Variants in MAN1A1 observed in about 807,000 individuals in gnomAD.
The protein encoded by MAN1A1 is mannosidase alpha class 1A member 1.
A neutral mutation model predicts 70.8 loss-of-function variants in MAN1A1; 29 were observed. That is an observed-to-expected ratio of 0.41 (90% confidence interval 0.31 to 0.56). The LOEUF is 0.56. MAN1A1 is among the 20% of genes least tolerant of loss of function. The pLI, the probability that MAN1A1 is intolerant of heterozygous loss-of-function variation, is 0.29. For synonymous variants in MAN1A1, 349 were observed against 330.1 expected (o/e 1.06, Z -0.62); for missense variants, 747 against 841.3 (o/e 0.89, Z 1.39).
Position 119,188,402 on chromosome 6 carries a change from C to T in MAN1A1, c.1719+3G>A. 2 of 1,587,650 alleles carry T rather than the reference C, an allele frequency of 1.3e-6. No individual in the cohort carries two copies. On this transcript the variant is annotated splice_donor_region_variant and intron_variant, in intron 11 of 12. Transcript: ENST00000368468. ...ATAAGAAACATGCAAATTAAAACATCACCTCTACGGCTTCCCAGGCCCATT... is the reference window on the plus strand; with the variant it reads ...ATAAGAAACATGCAAATTAAAACATTACCTCTACGGCTTCCCAGGCCCATT...
intron 8 of MAN1A1, among the ~76,000 whole-genome samples, chr6:119,194,374 A>T (rs1349510499): frequency 6.6e-6 from 1 of 152,202 alleles, no homozygotes; most frequent in Non-Finnish European, 1.5e-5. Context: ...CCCAGGCTGG[A>T]GTGCAGAGGC....
intron 11 of MAN1A1, among the ~76,000 whole-genome samples, chr6:119,181,428 T>C (rs1428098603): frequency 6.8e-6 from 1 of 148,066 alleles, no homozygotes; most frequent in East Asian, 2.0e-4. Context: ...GACATGTGGC[T>C]GGGATCTATT....
At chr6:119,251,264 G>T (rs1775310429) in intron 5 of MAN1A1, among the ~76,000 whole-genome samples, 1 of 151,966 alleles carries the variant, frequency 6.6e-6, no homozygotes, top group Non-Finnish European at 1.5e-5. Context: ...TTCCTGTGTT[G>T]TCTAACATCG....
At chr6:119,319,772 A>C (rs1291919147) in intron 2 of MAN1A1, among the ~76,000 whole-genome samples, 2 of 152,160 alleles carry the variant, frequency 1.3e-5, no homozygotes, top group Non-Finnish European at 2.9e-5. Context: ...GTAAAAGCCT[A>C]ATGTTCTTTC....
chr6:119,296,898 T>A (rs1216387097), intron 4 of MAN1A1, among the ~76,000 whole-genome samples: 1 of 152,174 alleles, frequency 6.6e-6, no homozygotes, highest in East Asian at 1.9e-4. Flanking sequence ...CCTCTCATAC[T>A]GAGATATCGC....
At chr6:119,330,177 G>C (rs1773271354) in intron 2 of MAN1A1, among the ~76,000 whole-genome samples, 1 of 148,570 alleles carries the variant, frequency 6.7e-6, no homozygotes, top group Non-Finnish European at 1.5e-5. Context: ...CTCAAGATTG[G>C]CATCTCTAGC....
intron 3 of MAN1A1, among the ~76,000 whole-genome samples, chr6:119,302,351 C>A (rs1772413904): frequency 6.6e-6 from 1 of 151,750 alleles, no homozygotes; most frequent in African/African-American, 2.4e-5. Flanking sequence ...TCAGAAACTT[C>A]TCTTAGAAAT....
At chr6:119,300,240 TTTTTG>T (rs1279506191) in intron 4 of MAN1A1, among the ~76,000 whole-genome samples, 6 of 151,800 alleles carry the variant, frequency 4.0e-5, no homozygotes, top group Non-Finnish European at 8.8e-5. Flanking sequence ...AACTGAAGTT[TTTTTG>T]TTTTGTTTTG....
intron 2 of MAN1A1, among the ~76,000 whole-genome samples, chr6:119,335,711 C>T (rs1049206964): frequency 6.6e-6 from 1 of 152,156 alleles, no homozygotes; most frequent in African/African-American, 2.4e-5. Flanking sequence ...TTCATGAGGA[C>T]ATGGATTTTG....
intron 8 of MAN1A1, among the ~76,000 whole-genome samples, chr6:119,196,066 A>G (rs1773561290): frequency 1.3e-5 from 2 of 152,112 alleles, no homozygotes; most frequent in Admixed American, 1.3e-4. Flanking sequence ...CGATGAAGTG[A>G]TAGGAAATGA....
chr6:119,324,983 A>C (rs1773107996), intron 2 of MAN1A1, among the ~76,000 whole-genome samples: 1 of 152,190 alleles, frequency 6.6e-6, no homozygotes, highest in Non-Finnish European at 1.5e-5. Context: ...ATCTCCAGAC[A>C]CTGGCAAATG....
chr6:119,221,342 G>T (rs78588350), intron 6 of MAN1A1, among the ~76,000 whole-genome samples: 9 of 151,672 alleles, frequency 5.9e-5, no homozygotes, highest in African/African-American at 9.7e-5. Context: ...TTCTTCAATC[G>T]CATTTTAAAG....
intron 2 of MAN1A1, among the ~76,000 whole-genome samples, chr6:119,332,424 T>C (rs939433912): frequency 6.6e-6 from 1 of 152,238 alleles, no homozygotes; most frequent in African/African-American, 2.4e-5. Context: ...CTGTTGCCTC[T>C]GTTTTAAACC....
chr6:119,309,783 T>TTTTAACCCAGAAA (rs1380078197), intron 2 of MAN1A1, among the ~76,000 whole-genome samples: 4 of 151,860 alleles, frequency 2.6e-5, no homozygotes, highest in African/African-American at 7.2e-5. Flanking sequence ...CAACCCATTA[T>TTTTAACCCAGAAA]TTTAACCCAG....
intron 5 of MAN1A1, among the ~76,000 whole-genome samples, chr6:119,270,115 T>C (rs1034146049): frequency 6.6e-6 from 1 of 152,232 alleles, no homozygotes; most frequent in Non-Finnish European, 1.5e-5. Context: ...GTTAGCTTCT[T>C]TGTTACCTGG....
intron 8 of MAN1A1, among the ~76,000 whole-genome samples, chr6:119,199,476 T>C (rs554194262): frequency 6.6e-6 from 1 of 152,338 alleles, no homozygotes; most frequent in Admixed American, 6.5e-5. Flanking sequence ...ATGAGTATTT[T>C]CCATTTCACC....
chr6:119,330,008 C>T (rs556769849), intron 2 of MAN1A1, among the ~76,000 whole-genome samples: 1 of 152,322 alleles, frequency 6.6e-6, no homozygotes, highest in East Asian at 1.9e-4. Context: ...CCACACTCTG[C>T]CAGTTTTCTT....
intron 4 of MAN1A1, among the ~76,000 whole-genome samples, chr6:119,300,547 C>T (rs530169777): frequency 1.3e-5 from 2 of 152,096 alleles, no homozygotes; most frequent in South Asian, 4.2e-4. Flanking sequence ...AGCCACCACG[C>T]CCGGTCCACA....
chr6:119,319,308 G>A (rs1772939407), intron 2 of MAN1A1, among the ~76,000 whole-genome samples: 1 of 151,346 alleles, frequency 6.6e-6, no homozygotes, highest in South Asian at 2.1e-4. Context: ...AACCCTTCTG[G>A]TAGGGTTTTA....
Sources: gnomAD v4.1 joint callset for allele counts (sites outside exome capture counted in the v4.1 genomes callset) on GRCh38, gnomAD v4.1.1 for gene constraint, MANE v1.5 for transcripts, NCBI Gene and HGNC (gene_info 2026-07-23, HGNC 2026-07-21) for gene names.